ATXN1: variants seen among roughly 807,000 people sequenced by gnomAD.
The protein encoded by ATXN1 is ataxin 1.
A neutral mutation model predicts 56.4 loss-of-function variants in ATXN1; 8 were observed. That is an observed-to-expected ratio of 0.14 (90% CI 0.08 to 0.26). The LOEUF (loss-of-function observed/expected upper bound fraction) is 0.26, where lower values mean the gene tolerates loss of function less well. Ranked by LOEUF, ATXN1 falls within the 10% of genes least tolerant of loss-of-function variation. The pLI is 1.00. For synonymous variants in ATXN1, 514 were observed against 494.6 expected (o/e 1.04, Z -0.52); for missense variants, 987 against 1,106.5 (o/e 0.89, Z 1.53).
At chr6:16,637,963 G>A (rs997814070) in intron 3 of ATXN1, among the ~76,000 whole-genome samples, 1 of 152,120 alleles carries the variant, frequency 6.6e-6, no homozygotes, top group African/African-American at 2.4e-5. Flanking sequence ...CCTAATTTGT[G>A]GGCTAGCAGA....
intron 5 of ATXN1, among the ~76,000 whole-genome samples, chr6:16,500,376 T>A (rs1396214018): frequency 6.6e-6 from 1 of 152,150 alleles, no homozygotes; most frequent in Non-Finnish European, 1.5e-5. Context: ...ATCATTATAA[T>A]CTCCCAGTAA....
chr6:16,325,246 T>C (rs1328629163), intron 7 of ATXN1, among the ~76,000 whole-genome samples: 3 of 151,576 alleles, frequency 2.0e-5, no homozygotes, highest in African/African-American at 7.3e-5. Flanking sequence ...GCCTCTGGAG[T>C]AGCTGGGATT....
intron 3 of ATXN1, chr6:16,653,110 C>CTAG (rs1362707671): frequency 6.6e-6 from 1 of 152,194 alleles, no homozygotes; most frequent in African/African-American, 2.4e-5. Flanking sequence ...TGGTTCCTTT[C>CTAG]TAGGCTAGCT....
At chr6:16,399,682 T>C (rs554025892) in intron 6 of ATXN1, among the ~76,000 whole-genome samples, 11 of 152,248 alleles carry the variant, frequency 7.2e-5, no homozygotes, top group African/African-American at 2.4e-4. Context: ...TCTGAGGACA[T>C]TTTTGATTGT....
chr6:16,311,573 G>T (rs999735383), intron 7 of ATXN1, among the ~76,000 whole-genome samples: 1 of 152,086 alleles, frequency 6.6e-6, no homozygotes, highest in African/African-American at 2.4e-5. Context: ...GACACTATTT[G>T]GTTTCAAAAC....
intron 4 of ATXN1, among the ~76,000 whole-genome samples, chr6:16,532,999 T>G (rs986436030): frequency 6.6e-6 from 1 of 152,208 alleles, no homozygotes; most frequent in South Asian, 2.1e-4. Context: ...CATCAATGGA[T>G]GAATAGATAC....
At chr6:16,499,548 G>C (rs1760840416) in intron 5 of ATXN1, among the ~76,000 whole-genome samples, 1 of 152,128 alleles carries the variant, frequency 6.6e-6, no homozygotes, top group Non-Finnish European at 1.5e-5. Context: ...ACAGTAGCTT[G>C]AAATTGCTGA....
chr6:16,398,188 G>A (rs1467502225), intron 6 of ATXN1, among the ~76,000 whole-genome samples: 1 of 151,980 alleles, frequency 6.6e-6, no homozygotes, highest in Non-Finnish European at 1.5e-5. Flanking sequence ...TTACAAATAC[G>A]AACTCCACCA....
chr6:16,423,344 T>G (rs1334655541), intron 6 of ATXN1, among the ~76,000 whole-genome samples: 1 of 152,202 alleles, frequency 6.6e-6, no homozygotes, highest in Non-Finnish European at 1.5e-5. Context: ...CCTACATAAT[T>G]GAGATGCTGT....
At chr6:16,711,737 C>A (rs1160380606) in intron 2 of ATXN1, among the ~76,000 whole-genome samples, 2 of 152,072 alleles carry the variant, frequency 1.3e-5, no homozygotes, top group African/African-American at 4.8e-5. Context: ...CCCACCTCAG[C>A]CTCCTGAGTA....
At position 16,301,164 on chromosome 6, in the gene ATXN1, C is replaced by T. The variant is rs1404173896; in HGVS notation, c.*5165G>A. 4.6e-5 allele frequency: 7 copies of T among 151,170 alleles called. No individual in the cohort carries two copies. Among genetic ancestry groups the T allele is most frequent in the African/African-American group, 1.5e-4 (6 of 41,020 alleles). The allele number at this position is 151,170 out of a possible 1,614,324, so 9.4% of individuals were successfully genotyped here. ...CTTTCAAACACTGAATGAATCATTTCGACATTCATTTTTCTTTTGTGCAAT... is the reference window on the plus strand; with the variant it reads ...CTTTCAAACACTGAATGAATCATTTTGACATTCATTTTTCTTTTGTGCAAT... On this transcript the variant is annotated 3_prime_UTR_variant, in exon 8 of 8. Transcript: ENST00000436367.
intron 4 of ATXN1, among the ~76,000 whole-genome samples, chr6:16,568,357 T>C (rs1762267211): frequency 6.6e-6 from 1 of 152,216 alleles, no homozygotes; most frequent in Non-Finnish European, 1.5e-5. Flanking sequence ...GACAAGCCCA[T>C]ATTGATAAAG....
intron 6 of ATXN1, among the ~76,000 whole-genome samples, chr6:16,376,094 G>GA (rs1762135460): frequency 6.6e-6 from 1 of 152,174 alleles, no homozygotes; most frequent in Non-Finnish European, 1.5e-5. Flanking sequence ...CTACAAAAGG[G>GA]AAAAATGTAA....
At chr6:16,393,907 T>TTC (rs1255129949) in intron 6 of ATXN1, among the ~76,000 whole-genome samples, 5 of 142,550 alleles carry the variant, frequency 3.5e-5, no homozygotes, top group African/African-American at 1.4e-4. Context: ...AATCACCTTT[T>TTC]TTTTTTTTTT....
intron 3 of ATXN1, among the ~76,000 whole-genome samples, chr6:16,629,962 G>T (rs2113809324): frequency 6.6e-6 from 1 of 152,034 alleles, no homozygotes; most frequent in South Asian, 2.1e-4. Context: ...CCTTCTTAGA[G>T]TCTGTATAAC....
rs760363843 is a variant in ATXN1, at chr6:16,326,705, C to T, written c.1606G>A (p.Glu536Lys). 1 of 1,613,446 alleles carries T rather than the reference C, an allele frequency of 6.2e-7. No homozygotes were observed. The highest frequency in any genetic ancestry group is 1.1e-5 in the South Asian group (1 of 91,082). ...TAGGCGGCCTGGGTGACCAGGGCCT[C>T]AGGGTTGAAGTTCTCGCTCTTGGGA... ...ALPKSENFNP[E>K]ALVTQAAYPA... Residue 536 changes from glutamate (E) to lysine (K), a missense_variant, in exon 7 of 8, where the codon GAG becomes AAG. By Grantham distance (56) the Glu-to-Lys change is moderately conservative. Around this residue, in one of 3 missense-constraint regions of ATXN1, gnomAD observed 723 missense variants for 791.7 expected, o/e 0.91. Coordinates refer to ENST00000436367, the MANE Select transcript of ATXN1 (RefSeq NM_001128164.2). This position sits in a 1 kb window ranked among gnomAD's most constrained non-coding sequence, Gnocchi z 6.6.
intron 2 of ATXN1, among the ~76,000 whole-genome samples, chr6:16,751,588 TAAA>T (rs60506317): frequency 1.4e-5 from 2 of 147,728 alleles, no homozygotes; most frequent in African/African-American, 2.5e-5. Context: ...TACAACAATC[TAAA>T]AAAAAAAAAA....
chr6:16,717,561 G>C (rs1178748768), intron 2 of ATXN1, among the ~76,000 whole-genome samples: 1 of 152,228 alleles, frequency 6.6e-6, no homozygotes, highest in Non-Finnish European at 1.5e-5. Flanking sequence ...GTAGCTTCCA[G>C]TTAGGATTTA....
chr6:16,415,305 C>T (rs1429903289), intron 6 of ATXN1, among the ~76,000 whole-genome samples: 1 of 152,206 alleles, frequency 6.6e-6, no homozygotes, highest in Admixed American at 6.5e-5. Flanking sequence ...TCTCGGCTCA[C>T]TGCAACCTCT....
Sources: allele counts gnomAD v4.1 joint callset (sites outside exome capture counted in the v4.1 genomes callset), GRCh38; gene constraint gnomAD v4.1.1; regional missense constraint gnomAD v4.1.1; non-coding constraint Gnocchi (gnomAD v3.1); transcripts MANE v1.5; gene names NCBI Gene and HGNC (gene_info 2026-07-23, HGNC 2026-07-21).